Variants in LEMD3 observed in about 807,000 individuals in gnomAD.
LEMD3 encodes LEM domain containing 3.
A neutral mutation model predicts 95.2 loss-of-function variants in LEMD3; 33 were observed. The observed-to-expected ratio is 0.35, with a 90% CI of 0.26 to 0.46. The LOEUF is 0.46. Ranked by LOEUF, LEMD3 falls within the 20% of genes least tolerant of loss-of-function variation. The probability of loss-of-function intolerance (pLI) is 1.00; values close to 1 mark genes in which losing one functional copy is unlikely to be tolerated. For missense variants in LEMD3, 1,210 were observed against 1,192.8 expected (o/e 1.01, Z -0.21); for synonymous variants, 525 against 474.6 (o/e 1.11, Z -1.38).
At position 65,209,640 on chromosome 12, in the gene LEMD3, G is replaced by A. The variant is rs1329674514; in HGVS notation, c.1523-1286G>A. ...CCCTTTTGAGTACTTTTGATTTTCT[G>A]TAATATCTTTCAAAACATTTTCTTT... On this transcript the variant is annotated intron_variant, in intron 1 of 12. Transcript: ENST00000308330. Among the ~76,000 whole-genome samples, 4 of 151,926 alleles carry A rather than the reference G, an allele frequency of 2.6e-5. No individual in the cohort carries two copies. The South Asian group carries it at 8.3e-4, about 32-fold the overall frequency.
At chr12:65,202,359 G>T (rs970970565) in intron 1 of LEMD3, among the ~76,000 whole-genome samples, 2 of 151,892 alleles carry the variant, frequency 1.3e-5, no homozygotes, top group Non-Finnish European at 2.9e-5. Flanking sequence ...TGCATTTGTT[G>T]ATAAGATCAT....
At chr12:65,193,732 CTGTGTGTGTGTG>C (rs746675293) in intron 1 of LEMD3, among the ~76,000 whole-genome samples, 307 of 129,432 alleles carry the variant, frequency 2.4e-3, no homozygotes, top group Middle Eastern at 7.3e-3. Context: ...ACATAACTGG[CTGTGTGTGTGTG>C]TGTGTGTGTG....
Position 65,240,213 on chromosome 12 carries a change from G to A in LEMD3, c.2101G>A (p.Asp701Asn). ...QPYMPIPHVR[D>N]SLIQPHDRKK... ...TTACATGCCTATTCCACATGTACGC[G>A]ATTCCTTAATACAGCCTCATGACAG... Residue 701 changes from aspartate (D) to asparagine (N), a missense_variant, in exon 8 of 13, where the codon GAT becomes AAT. Asp to Asn is a conservative substitution (Grantham distance 23). Transcript: ENST00000308330. The A allele has an allele frequency of 1.2e-6, 2 of 1,613,012 alleles. No individual in the cohort carries two copies. Among genetic ancestry groups the A allele is most frequent in the Non-Finnish European group, 1.7e-6 (2 of 1,179,096 alleles).
At chr12:65,190,170 C>G (rs1462764484) in intron 1 of LEMD3, among the ~76,000 whole-genome samples, 4 of 152,092 alleles carry the variant, frequency 2.6e-5, no homozygotes, top group African/African-American at 9.7e-5. Flanking sequence ...ACAAAGAGAA[C>G]AGATTTTTAT....
chr12:65,183,343 T>C (rs1428293958), intron 1 of LEMD3, among the ~76,000 whole-genome samples: 1 of 152,168 alleles, frequency 6.6e-6, no homozygotes, highest in African/African-American at 2.4e-5. Flanking sequence ...CTAGCCATAT[T>C]TCAAGTGCTC....
At chr12:65,219,810 G>T (rs145681652) in intron 4 of LEMD3, among the ~76,000 whole-genome samples, 1 of 152,042 alleles carries the variant, frequency 6.6e-6, no homozygotes, top group Non-Finnish European at 1.5e-5. Flanking sequence ...TGCAATTTTT[G>T]TCCTGTGACT....
At chr12:65,221,207 T>C (rs2136342747) in intron 4 of LEMD3, among the ~76,000 whole-genome samples, 1 of 149,370 alleles carries the variant, frequency 6.7e-6, no homozygotes, top group East Asian at 2.0e-4. Flanking sequence ...TAGTTTTCAG[T>C]GTATAAGTCT....
intron 1 of LEMD3, among the ~76,000 whole-genome samples, chr12:65,183,864 C>T (rs1299016331): frequency 1.3e-5 from 2 of 152,090 alleles, no homozygotes; most frequent in Admixed American, 1.3e-4. Flanking sequence ...GGGAATGTTC[C>T]TTTATACTTG....
At chr12:65,175,280 T>C (rs1868681647) in intron 1 of LEMD3, among the ~76,000 whole-genome samples, 1 of 152,204 alleles carries the variant, frequency 6.6e-6, no homozygotes, top group African/African-American at 2.4e-5. Context: ...TACAGAGGTA[T>C]AATTTTAAAA....
chr12:65,191,843 C>T (rs192128253), intron 1 of LEMD3, among the ~76,000 whole-genome samples: 119 of 149,248 alleles, frequency 8.0e-4, no homozygotes, highest in African/African-American at 2.5e-3. Context: ...GAAAATCGCT[C>T]GAACCTGGGA....
At chr12:65,182,892 A>G (rs920201173) in intron 1 of LEMD3, among the ~76,000 whole-genome samples, 3 of 152,196 alleles carry the variant, frequency 2.0e-5, no homozygotes, top group African/African-American at 7.2e-5. Flanking sequence ...TTCTTCAGCT[A>G]GTTTGTAAGA....
intron 1 of LEMD3, among the ~76,000 whole-genome samples, chr12:65,186,816 A>G (rs1291275680): frequency 6.6e-6 from 1 of 152,020 alleles, no homozygotes; most frequent in Non-Finnish European, 1.5e-5. Flanking sequence ...ATGGGTTTTG[A>G]TGTTTAAAAT....
At chr12:65,206,632 GA>G (rs1431457676) in intron 1 of LEMD3, among the ~76,000 whole-genome samples, 1 of 152,128 alleles carries the variant, frequency 6.6e-6, no homozygotes, top group Non-Finnish European at 1.5e-5. Flanking sequence ...CATGGCCTGA[GA>G]GAGAAGGGGA....
chr12:65,240,513 A>G (rs1870902710), intron 8 of LEMD3: 1 of 442,864 alleles, frequency 2.3e-6, no homozygotes, highest in East Asian at 4.1e-5. Context: ...CTTTAATTTC[A>G]TCTTGATAAA....
At position 65,248,322 on chromosome 12, in the gene LEMD3, G is replaced by C. The variant is rs1012072878; in HGVS notation, c.*1997G>C. 6.6e-6 allele frequency: 1 copy of C among 151,186 alleles called. No homozygotes were observed. Among genetic ancestry groups the C allele is most frequent in the African/African-American group, 2.4e-5 (1 of 41,174 alleles). The allele number at this position is 151,186 out of a possible 1,614,324, so 9.4% of individuals were successfully genotyped here. A position where few individuals can be genotyped will look rare whatever the true frequency, so the allele number is the denominator to read the frequency against. On this transcript the variant is annotated 3_prime_UTR_variant, in exon 13 of 13. Transcript: ENST00000308330. ...AAAAATTCTAATTAAAAATTTATTAGTTTTTTTTTATGTGTCTTGGCTTTT... is the reference window on the plus strand; with the variant it reads ...AAAAATTCTAATTAAAAATTTATTACTTTTTTTTTATGTGTCTTGGCTTTT...
At chr12:65,199,235 A>G (rs927240258) in intron 1 of LEMD3, among the ~76,000 whole-genome samples, 2 of 152,148 alleles carry the variant, frequency 1.3e-5, no homozygotes, top group Non-Finnish European at 2.9e-5. Flanking sequence ...TGGATGCTCT[A>G]TAAAGATATC....
intron 4 of LEMD3, among the ~76,000 whole-genome samples, chr12:65,229,012 A>G (rs1870541537): frequency 1.3e-5 from 2 of 152,168 alleles, no homozygotes; most frequent in African/African-American, 2.4e-5. Flanking sequence ...TCTAGCCTCT[A>G]GTAACCACTA....
chr12:65,169,985 C>A lies in LEMD3; in HGVS notation c.389C>A (p.Ala130Glu). The A allele has an allele frequency of 6.8e-7, 1 of 1,470,900 alleles. No homozygotes were observed. The highest frequency in any genetic ancestry group is 8.9e-7 in the Non-Finnish European group (1 of 1,122,524). 91.1% of individuals were successfully genotyped at this position (1,470,900 alleles called of 1,614,324 possible). A position where few individuals can be genotyped will look rare whatever the true frequency, so the allele number is the denominator to read the frequency against. The change falls in exon 1 of 13, where the codon GCG (alanine) becomes GAG (glutamate). Residue 130 changes from alanine (A) to glutamate (E), a missense_variant. This residue lies in a region of LEMD3 where 749 missense variants were observed against 622.9 expected (regional missense o/e 1.20). Coordinates refer to ENST00000308330, the MANE Select transcript of LEMD3 (RefSeq NM_014319.5). ...CCCGGGGGCGCCTCCGCCGCCCCCG[C>A]GGCTGGCAGCAAAGTGCTGCTGGGC... ...GGPGGASAAPAAGSKVLLGFS... is the reference protein window; with the variant it reads ...GGPGGASAAPEAGSKVLLGFS...
At chr12:65,212,674 T>A (rs1038795196) in intron 2 of LEMD3, among the ~76,000 whole-genome samples, 4 of 151,956 alleles carry the variant, frequency 2.6e-5, no homozygotes, top group African/African-American at 7.2e-5. Flanking sequence ...TGAAAAACAA[T>A]AGTCTGGGCC....
Sources: allele counts gnomAD v4.1 joint callset (sites outside exome capture counted in the v4.1 genomes callset), GRCh38; gene constraint gnomAD v4.1.1; regional missense constraint gnomAD v4.1.1; transcripts MANE v1.5; gene names NCBI Gene and HGNC (gene_info 2026-07-23, HGNC 2026-07-21).